The following NDST4 variants were observed in gnomAD, a reference collection of about 807,000 sequenced individuals.
NDST4 encodes the protein N-deacetylase and N-sulfotransferase 4, also known as N-heparan sulfate sulfotransferase 4.
Under a neutral mutation model 100.8 loss-of-function variants are expected in NDST4, and 63 were observed. That is an observed-to-expected ratio of 0.62 (90% CI 0.51 to 0.77). The LOEUF (loss-of-function observed/expected upper bound fraction) is 0.77, where lower values mean the gene tolerates loss of function less well. Ranked by LOEUF, NDST4 falls within the 30% of genes least tolerant of loss-of-function variation. The pLI is 0.00. For missense variants in NDST4, 943 were observed against 1,018.4 expected, an observed-to-expected ratio of 0.93 and a Z score of 1.01; for synonymous variants, 377 against 361.8, an observed-to-expected ratio of 1.04 and a Z score of -0.48.
chr4:115,105,133 A>G (rs1578524551), intron 1 of NDST4, among the ~76,000 whole-genome samples: 2 of 152,162 alleles, frequency 1.3e-5, no homozygotes, highest in Non-Finnish European at 2.9e-5. Context: ...CTGCCTTCCA[A>G]TATGTCACAA....
intron 9 of NDST4, among the ~76,000 whole-genome samples, chr4:114,847,493 G>C (rs1723579583): frequency 6.7e-6 from 1 of 149,822 alleles, no homozygotes; most frequent in South Asian, 2.1e-4. Flanking sequence ...GCATTGAGGG[G>C]AATTTTCCTC....
intron 1 of NDST4, among the ~76,000 whole-genome samples, chr4:115,095,624 G>A (rs1729604183): frequency 6.6e-6 from 1 of 151,890 alleles, no homozygotes; most frequent in South Asian, 2.1e-4. Context: ...TTACCAACTA[G>A]TACCTGGGTT....
chr4:114,988,359 T>TC (rs1449206961), intron 2 of NDST4, among the ~76,000 whole-genome samples: 1 of 126,932 alleles, frequency 7.9e-6, no homozygotes, highest in African/African-American at 3.0e-5. Flanking sequence ...TATCTTTTTT[T>TC]TTTTTTTTTT....
chr4:114,999,045 A>G (rs1368154047), intron 2 of NDST4, among the ~76,000 whole-genome samples: 1 of 152,136 alleles, frequency 6.6e-6, no homozygotes, highest in Non-Finnish European at 1.5e-5. Context: ...TTGCTGTTAT[A>G]TCACAAATAC....
chr4:115,045,578 T>A (rs1348915048), intron 2 of NDST4, among the ~76,000 whole-genome samples: 1 of 152,090 alleles, frequency 6.6e-6, no homozygotes, highest in Non-Finnish European at 1.5e-5. Flanking sequence ...TATTGTTGAA[T>A]GCCTGACCTC....
At chr4:114,856,838 C>T (rs1481345801) in intron 7 of NDST4, among the ~76,000 whole-genome samples, 1 of 152,194 alleles carries the variant, frequency 6.6e-6, no homozygotes, top group Non-Finnish European at 1.5e-5. Context: ...GAGCCTGCCA[C>T]CTTTTAAGCT....
chr4:115,018,690 T>C (rs1727742369), intron 2 of NDST4, among the ~76,000 whole-genome samples: 1 of 152,024 alleles, frequency 6.6e-6, no homozygotes, highest in South Asian at 2.1e-4. Flanking sequence ...GTGATACATG[T>C]ACATTATTTT....
At chr4:115,039,797 CAT>C (rs1728312282) in intron 2 of NDST4, among the ~76,000 whole-genome samples, 1 of 151,990 alleles carries the variant, frequency 6.6e-6, no homozygotes, top group African/African-American at 2.4e-5. Context: ...TGCACACACA[CAT>C]ATATACTTAC....
intron 3 of NDST4, among the ~76,000 whole-genome samples, chr4:114,971,784 G>A (rs926248266): frequency 6.6e-6 from 1 of 152,078 alleles, no homozygotes; most frequent in African/African-American, 2.4e-5. Flanking sequence ...ATGGTCATGA[G>A]AGTAGCTCCA....
At chr4:114,957,602 G>A (rs993524501) in intron 4 of NDST4, among the ~76,000 whole-genome samples, 10 of 152,104 alleles carry the variant, frequency 6.6e-5, no homozygotes, top group African/African-American at 2.2e-4. Flanking sequence ...GTCCCCCAAA[G>A]TTTTTATTAC....
At chr4:114,921,191 A>G (rs1306322213) in intron 6 of NDST4, among the ~76,000 whole-genome samples, 1 of 152,232 alleles carries the variant, frequency 6.6e-6, no homozygotes, top group Non-Finnish European at 1.5e-5. Flanking sequence ...GAGGTATTTT[A>G]GTAGAGAACA....
At chr4:114,837,807 A>G (rs1032667914) in intron 11 of NDST4, among the ~76,000 whole-genome samples, 12 of 152,242 alleles carry the variant, frequency 7.9e-5, no homozygotes, top group African/African-American at 2.9e-4. Context: ...CAATGGCAAC[A>G]AAAGCCAAAA....
At chr4:114,847,954 T>C (rs1216778572) in intron 9 of NDST4, among the ~76,000 whole-genome samples, 3 of 152,244 alleles carry the variant, frequency 2.0e-5, no homozygotes, top group African/African-American at 7.2e-5. Context: ...AATACCCTTA[T>C]GAATAATTCT....
intron 2 of NDST4, among the ~76,000 whole-genome samples, chr4:114,987,235 G>C (rs777791127): frequency 6.6e-6 from 1 of 152,066 alleles, no homozygotes; most frequent in Non-Finnish European, 1.5e-5. Flanking sequence ...GTCAGAGTGG[G>C]AGACAAGGAG....
intron 1 of NDST4, among the ~76,000 whole-genome samples, chr4:115,085,708 C>T (rs1322103171): frequency 6.6e-6 from 1 of 152,134 alleles, no homozygotes; most frequent in East Asian, 1.9e-4. Context: ...TTTCCTGAGG[C>T]CTCCCCAGCC....
intron 2 of NDST4, among the ~76,000 whole-genome samples, chr4:114,991,674 A>G (rs1218327122): frequency 6.6e-6 from 1 of 152,050 alleles, no homozygotes; most frequent in Non-Finnish European, 1.5e-5. Context: ...GATAATATGA[A>G]CAACTTGTTA....
At chr4:114,898,611 C>T (rs531073861) in intron 6 of NDST4, among the ~76,000 whole-genome samples, 3 of 152,114 alleles carry the variant, frequency 2.0e-5, no homozygotes, top group Admixed American at 6.5e-5. Context: ...GGGATTGTGC[C>T]GAATCAAGTT....
chr4:115,102,636 TA>T (rs762953562), intron 1 of NDST4, among the ~76,000 whole-genome samples: 4 of 149,114 alleles, frequency 2.7e-5, no homozygotes, highest in Admixed American at 2.0e-4. Flanking sequence ...GTATCAGATG[TA>T]ACAAAAGATT....
At chr4:114,929,014 C>T (rs978338399) in intron 6 of NDST4, among the ~76,000 whole-genome samples, 1 of 151,368 alleles carries the variant, frequency 6.6e-6, no homozygotes, top group South Asian at 2.1e-4. Flanking sequence ...CTCTCTATAT[C>T]CCTATCTATC....
Sources: allele counts gnomAD v4.1 joint callset (sites outside exome capture counted in the v4.1 genomes callset), GRCh38; gene constraint gnomAD v4.1.1; transcripts MANE v1.5; gene names NCBI Gene and HGNC (gene_info 2026-07-23, HGNC 2026-07-21).